Variants in SNCAIP observed in about 807,000 individuals in gnomAD.
SNCAIP encodes synphilin-1.
Under a neutral mutation model 86.7 loss-of-function variants are expected in SNCAIP, and 43 were observed. The observed-to-expected ratio is 0.50, with a 90% CI of 0.39 to 0.64. The LOEUF (loss-of-function observed/expected upper bound fraction) is 0.64, where lower values mean the gene tolerates loss of function less well. Ranked by LOEUF, SNCAIP falls within the 30% of genes least tolerant of loss-of-function variation. The pLI is 0.00. For missense variants in SNCAIP, 981 were observed against 1,103.1 expected (o/e 0.89, Z 1.57); for synonymous variants, 417 against 427.2 (o/e 0.98, Z 0.29).
chr5:122,314,439 T>C (rs1580703661), intron 1 of SNCAIP, among the ~76,000 whole-genome samples: 1 of 152,232 alleles, frequency 6.6e-6, no homozygotes, highest in Non-Finnish European at 1.5e-5. Context: ...AGTAACACTC[T>C]TAGAATAGAA....
rs138487008 is a variant in SNCAIP at position 122,319,832 on chromosome 5, A to G, written c.-47+7548A>G. Among the ~76,000 whole-genome samples the G allele has an allele frequency of 4.6e-5, 7 of 152,376 alleles. No individual in the cohort carries two copies. The East Asian group carries it at 1.2e-3, about 25-fold the overall frequency. ...GTACATTATAGCTAAGCCATGCATT[A>G]TGAGTCCAGTTTTAAGCCATGGAGG... On this transcript the variant is annotated intron_variant, in intron 1 of 10. Transcript: ENST00000261368.
intron 1 of SNCAIP, among the ~76,000 whole-genome samples, chr5:122,374,671 T>C (rs1561608403): frequency 6.6e-6 from 1 of 152,120 alleles, no homozygotes; most frequent in African/African-American, 2.4e-5. Context: ...GTTAAAAAAT[T>C]GTCATCACAA....
intron 1 of SNCAIP, among the ~76,000 whole-genome samples, chr5:122,348,314 G>A (rs1759038783): frequency 6.6e-6 from 1 of 152,074 alleles, no homozygotes; most frequent in Non-Finnish European, 1.5e-5. Flanking sequence ...TTCACTGTGT[G>A]GAATTATGGT....
At chr5:122,433,734 G>A (rs147020332) in intron 6 of SNCAIP, among the ~76,000 whole-genome samples, 2 of 152,300 alleles carry the variant, frequency 1.3e-5, no homozygotes, top group East Asian at 1.9e-4. Flanking sequence ...AAGGCATGAC[G>A]TAAGGATGTC....
intron 1 of SNCAIP, among the ~76,000 whole-genome samples, chr5:122,345,531 C>T (rs1758429689): frequency 6.6e-6 from 1 of 152,114 alleles, no homozygotes; most frequent in Admixed American, 6.6e-5. Flanking sequence ...GAGGAGTTGC[C>T]TCCCCCAGTC....
intron 1 of SNCAIP, among the ~76,000 whole-genome samples, chr5:122,348,243 T>C (rs1047278908): frequency 6.6e-6 from 1 of 152,128 alleles, no homozygotes; most frequent in South Asian, 2.1e-4. Flanking sequence ...AGAAATAAAG[T>C]TTATTCTTTT....
chr5:122,339,366 C>G (rs1757113300), intron 1 of SNCAIP, among the ~76,000 whole-genome samples: 1 of 152,270 alleles, frequency 6.6e-6, no homozygotes, highest in East Asian at 1.9e-4. Context: ...GAGTAGGCAA[C>G]TAATTATCTT....
intron 2 of SNCAIP, among the ~76,000 whole-genome samples, 183 bp from the exon 3 acceptor site, chr5:122,403,610 A>G (rs568193769): frequency 6.6e-6 from 1 of 152,288 alleles, no homozygotes; most frequent in Admixed American, 6.5e-5. Context: ...TAGATGCTGC[A>G]GGTAGATCTT....
intron 1 of SNCAIP, among the ~76,000 whole-genome samples, chr5:122,363,710 G>A (rs1461411715): frequency 6.6e-6 from 1 of 151,298 alleles, no homozygotes; most frequent in African/African-American, 2.4e-5. Context: ...CTCTTGGTTG[G>A]TTTAATAGTT....
At chr5:122,433,062 TG>T (rs1160870671) in intron 6 of SNCAIP, among the ~76,000 whole-genome samples, 1 of 151,928 alleles carries the variant, frequency 6.6e-6, no homozygotes, top group Non-Finnish European at 1.5e-5. Context: ...CTTTCTTTAG[TG>T]GGAGTCATGC....
At position 122,451,005 on chromosome 5, in the gene SNCAIP, A is replaced by G. The variant is rs758877260; in HGVS notation, c.2158A>G (p.Met720Val). ...SMDSAESLHL[M>V]IKKHTLASGG... ...GGACAGCGCAGAAAGCCTGCACCTG[A>G]TGATTAAGAAACACACCTTGGCATC... The change falls in exon 10 of 11, where the codon ATG becomes GTG. Residue 720 changes from methionine (M) to valine (V), a missense_variant. Met to Val is a conservative substitution (Grantham distance 21, BLOSUM62 1). Transcript: ENST00000261368. 6.2e-7 allele frequency: 1 copy of G among 1,614,190 alleles called. No individual in the cohort carries two copies. The highest frequency in any genetic ancestry group is 8.5e-7 in the Non-Finnish European group (1 of 1,180,022).
In SNCAIP at chr5:122,449,474, A is replaced by G. The variant is rs78004347; in HGVS notation, c.1593-371A>G. On this transcript the variant is annotated intron_variant, in intron 8 of 10. Coordinates refer to ENST00000261368, the MANE Select transcript of SNCAIP (RefSeq NM_005460.4). ...ATATATACATATTTATATATATGAAACTATGCTTTATATCTACATTATATA... is the reference window on the plus strand; with the variant it reads ...ATATATACATATTTATATATATGAAGCTATGCTTTATATCTACATTATATA... Among the ~76,000 whole-genome samples the G allele has an allele frequency of 2.0e-3, 300 of 152,284 alleles. 9 individuals carry two copies. In the East Asian group the frequency reaches 0.051, roughly 26 times the overall value.
chr5:122,342,636 G>A (rs1757811764), intron 1 of SNCAIP, among the ~76,000 whole-genome samples: 1 of 152,144 alleles, frequency 6.6e-6, no homozygotes, highest in Admixed American at 6.5e-5. Context: ...AGGCTTATAG[G>A]GAGGGTAAGG....
intron 10 of SNCAIP, among the ~76,000 whole-genome samples, chr5:122,457,092 C>A (rs1157763354): frequency 6.6e-6 from 1 of 152,182 alleles, no homozygotes; most frequent in Non-Finnish European, 1.5e-5. Flanking sequence ...ACCTCCACCT[C>A]CCAGGCTCAG....
chr5:122,418,653 A>G (rs1047325739), intron 3 of SNCAIP, among the ~76,000 whole-genome samples: 2 of 152,232 alleles, frequency 1.3e-5, no homozygotes, highest in African/African-American at 2.4e-5. Context: ...TTCTAGCACC[A>G]AAATGAGTCT....
At chr5:122,402,329 A>AT (rs1771998062) in intron 2 of SNCAIP, among the ~76,000 whole-genome samples, 2 of 152,164 alleles carry the variant, frequency 1.3e-5, no homozygotes, top group African/African-American at 4.8e-5. Context: ...CCCAAAGAAC[A>AT]TAATGTGAAA....
At chr5:122,382,575 G>A (rs867811828) in intron 1 of SNCAIP, among the ~76,000 whole-genome samples, 7 of 152,252 alleles carry the variant, frequency 4.6e-5, no homozygotes, top group Admixed American at 2.6e-4. Flanking sequence ...GCTTTGTTCC[G>A]TTGCTGGTGA....
Position 122,384,353 on chromosome 5 carries a change from G to A in SNCAIP, c.-46-6736G>A, listed in dbSNP as rs533125119. 6.8e-4 allele frequency among the ~76,000 whole-genome samples: 104 copies of A among 152,180 alleles called. 1 individual carries two copies. Among genetic ancestry groups the A allele is most frequent in the African/African-American group, 2.4e-3 (100 of 41,502 alleles). On this transcript the variant is annotated intron_variant, in intron 1 of 10. Coordinates refer to ENST00000261368, the MANE Select transcript of SNCAIP (RefSeq NM_005460.4). ...CCTTCTGCCTCCATCACAGGTTGCAGTAAATAATTTGAGCTAAAAAATGTG... is the reference window on the plus strand; with the variant it reads ...CCTTCTGCCTCCATCACAGGTTGCAATAAATAATTTGAGCTAAAAAATGTG...
At chr5:122,440,262 G>T (rs1780540658) in intron 6 of SNCAIP, among the ~76,000 whole-genome samples, 1 of 152,194 alleles carries the variant, frequency 6.6e-6, no homozygotes, top group South Asian at 2.1e-4. Flanking sequence ...CAAGAACATT[G>T]CCTTGGGAGC....
Sources: allele counts gnomAD v4.1 joint callset (sites outside exome capture counted in the v4.1 genomes callset), GRCh38; gene constraint gnomAD v4.1.1; transcripts MANE v1.5; gene names NCBI Gene and HGNC (gene_info 2026-07-23, HGNC 2026-07-21).